The following TACC2 variants were observed in gnomAD, a reference collection of about 807,000 sequenced individuals.
The protein encoded by TACC2 is transforming acidic coiled-coil-containing protein 2.
In TACC2, 137 loss-of-function variants were observed where a neutral mutation model predicts 227.3. That is an observed-to-expected ratio of 0.60 (90% CI 0.52 to 0.69). The LOEUF is 0.69. TACC2 is among the 30% of genes least tolerant of loss of function. The pLI, the probability that TACC2 is intolerant of heterozygous loss-of-function variation, is 0.00. For synonymous variants in TACC2, 1,523 were observed against 1,487.5 expected (o/e 1.02, Z -0.55); for missense variants, 3,470 against 3,694.4 (o/e 0.94, Z 1.57).
At position 122,141,286 on chromosome 10, in the gene TACC2, G is replaced by A. The variant is rs1421108562; in HGVS notation, c.5700-2286G>A. On this transcript the variant is annotated intron_variant, in intron 6 of 22. Coordinates refer to ENST00000369005, the MANE Select transcript of TACC2 (RefSeq NM_206862.4). This position sits in a 1 kb window ranked among gnomAD's most constrained non-coding sequence, Gnocchi z 4.3. ...ATGGTGAGTCACTGAGTGTTTCCTC[G>A]TGGGAGCCTGACCTCCTCGGCCCCT... Among the ~76,000 whole-genome samples, 1 of 152,152 alleles carries A rather than the reference G, an allele frequency of 6.6e-6. No homozygotes were observed. Among genetic ancestry groups the A allele is most frequent in the Admixed American group, 6.5e-5 (1 of 15,280 alleles).
chr10:122,054,511 CA>C (rs1174668451), intron 3 of TACC2, among the ~76,000 whole-genome samples: 1 of 152,214 alleles, frequency 6.6e-6, no homozygotes, highest in African/African-American at 2.4e-5. Context: ...CCTTAAGACA[CA>C]ACTGATTTTA....
intron 3 of TACC2, among the ~76,000 whole-genome samples, chr10:122,064,953 C>G (rs1367401450): frequency 2.0e-5 from 3 of 152,108 alleles, no homozygotes; most frequent in Non-Finnish European, 2.9e-5. Flanking sequence ...ATACCCCTGC[C>G]CAAGAGTAAC....
chr10:122,026,981 C>A (rs556691733), intron 2 of TACC2, among the ~76,000 whole-genome samples: 1 of 152,116 alleles, frequency 6.6e-6, no homozygotes, highest in South Asian at 2.1e-4. Context: ...TAGATACCAG[C>A]GAGCGTGATT....
At chr10:122,039,783 C>A (rs900151098) in intron 2 of TACC2, among the ~76,000 whole-genome samples, 25 of 152,334 alleles carry the variant, frequency 1.6e-4, no homozygotes, top group African/African-American at 4.8e-4. Flanking sequence ...ATCCTGCCAA[C>A]CAGTCACAGT....
intron 2 of TACC2, among the ~76,000 whole-genome samples, chr10:122,032,362 G>A (rs1205027440): frequency 6.6e-6 from 1 of 152,098 alleles, no homozygotes; most frequent in Non-Finnish European, 1.5e-5. Context: ...TCGCACCCAG[G>A]CCCCTAGCAC....
intron 1 of TACC2, among the ~76,000 whole-genome samples, chr10:121,992,419 A>G (rs1953064079): frequency 6.6e-6 from 1 of 152,222 alleles, no homozygotes. Context: ...GGAAAATTTG[A>G]CTTAAGTTAT....
intron 5 of TACC2, among the ~76,000 whole-genome samples, chr10:122,089,407 C>G (rs2080471525): frequency 6.6e-6 from 1 of 152,238 alleles, no homozygotes; most frequent in African/African-American, 2.4e-5. Flanking sequence ...AGCGGTCACA[C>G]TCCAGGAGAT....
chr10:122,063,780 T>C (rs1214928274), intron 3 of TACC2, among the ~76,000 whole-genome samples: 1 of 151,376 alleles, frequency 6.6e-6, no homozygotes, highest in Non-Finnish European at 1.5e-5. Flanking sequence ...AGTGTGCATA[T>C]ATATTATAAA....
chr10:121,997,926 G>T (rs1416816712), intron 1 of TACC2, among the ~76,000 whole-genome samples: 2 of 151,988 alleles, frequency 1.3e-5, no homozygotes, highest in Admixed American at 6.6e-5. Flanking sequence ...AGCCCAAGAG[G>T]TCCCATCCCA....
chr10:122,234,232 C>T (rs1056090243), intron 16 of TACC2, among the ~76,000 whole-genome samples: 2 of 152,242 alleles, frequency 1.3e-5, no homozygotes, highest in Non-Finnish European at 2.9e-5. Flanking sequence ...ACGATGCCAC[C>T]CCCAGCTGCC....
Position 122,085,128 on chromosome 10 carries a change from T to G in TACC2, c.2628T>G (p.His876Gln), listed in dbSNP as rs151325176. Residue 876 changes from histidine to glutamine, a missense_variant, in exon 4 of 23, where the codon CAT becomes CAG. By Grantham distance (24) the His-to-Gln change is conservative. This residue lies in a region of TACC2 where 1,924 missense variants were observed against 1,978.3 expected (regional missense o/e 0.97). Coordinates refer to ENST00000369005, the MANE Select transcript of TACC2 (RefSeq NM_206862.4). The part of the protein sequence containing the change: ...KDQGADSSQI[H>Q]VPVEPQEDNN... ...AGGGAGCAGATTCTTCCCAAATCCATGTACCTGTGGAACCTCAGGAAGATA... is the reference window on the plus strand; with the variant it reads ...AGGGAGCAGATTCTTCCCAAATCCAGGTACCTGTGGAACCTCAGGAAGATA... 4.7e-4 allele frequency: 765 copies of G among 1,614,144 alleles called. 4 individuals are homozygous for G. In the African/African-American group the frequency reaches 9.1e-3, roughly 19 times the overall value.
At chr10:122,238,326 G>A (rs1416717730) in intron 18 of TACC2, among the ~76,000 whole-genome samples, 1 of 152,160 alleles carries the variant, frequency 6.6e-6, no homozygotes, top group Non-Finnish European at 1.5e-5. Context: ...TCTGTTTCTG[G>A]TGGATCCTTC....
intron 7 of TACC2, among the ~76,000 whole-genome samples, chr10:122,189,360 T>G (rs1382213479): frequency 6.6e-6 from 1 of 152,170 alleles, no homozygotes; most frequent in Non-Finnish European, 1.5e-5. Context: ...GAGGGCTCAG[T>G]TTTGTTTCTG....
At chr10:122,056,910 G>T (rs1201929961) in intron 3 of TACC2, among the ~76,000 whole-genome samples, 1 of 152,218 alleles carries the variant, frequency 6.6e-6, no homozygotes, top group East Asian at 1.9e-4. Flanking sequence ...ACAAGGGCTG[G>T]GCTGGGCACA....
At chr10:122,055,280 C>T (rs1327473973) in intron 3 of TACC2, among the ~76,000 whole-genome samples, 2 of 151,982 alleles carry the variant, frequency 1.3e-5, no homozygotes, top group East Asian at 1.9e-4. Flanking sequence ...GGTATGGGAG[C>T]GTCGTTACAC....
chr10:122,172,568 A>G (rs2093527500), intron 7 of TACC2, among the ~76,000 whole-genome samples: 1 of 152,218 alleles, frequency 6.6e-6, no homozygotes. Flanking sequence ...TTTTCCCTCC[A>G]GGAAGAAGGC....
At chr10:122,241,298 T>A (rs953874064) in intron 18 of TACC2, among the ~76,000 whole-genome samples, 1 of 152,168 alleles carries the variant, frequency 6.6e-6, no homozygotes, top group South Asian at 2.1e-4. Context: ...TTTTAATTTT[T>A]AAATTTTTTT....
chr10:122,126,826 A>G (rs41302741), intron 5 of TACC2: 184 of 152,148 alleles, frequency 1.2e-3, no homozygotes, highest in Middle Eastern at 3.4e-3. Context: ...TTTCTGTGGC[A>G]GTTTGTTCTT....
intron 22 of TACC2, 51 bp from the exon 23 acceptor site, chr10:122,253,940 G>A: frequency 6.5e-7 from 1 of 1,540,252 alleles, no homozygotes; most frequent in Non-Finnish European, 9.0e-7. Flanking sequence ...TGAGCATTCT[G>A]ACTGGCCAGA....
Sources: gnomAD v4.1 joint callset for allele counts (sites outside exome capture counted in the v4.1 genomes callset) on GRCh38, gnomAD v4.1.1 for gene constraint, gnomAD v4.1.1 regional missense constraint, Gnocchi (gnomAD v3.1) non-coding constraint, MANE v1.5 for transcripts, NCBI Gene and HGNC (gene_info 2026-07-23, HGNC 2026-07-21) for gene names.